CADM2: variants seen among roughly 807,000 people sequenced by gnomAD.
The protein encoded by CADM2 is immunoglobulin superfamily member 4D.
In CADM2, 12 loss-of-function variants were observed where a neutral mutation model predicts 49.8. The ratio of observed to expected loss-of-function variants is 0.24; its 90% CI spans 0.15 to 0.39. The LOEUF is 0.39. Ranked by LOEUF, CADM2 falls within the 10% of genes least tolerant of loss-of-function variation. The pLI is 1.00. For missense variants in CADM2, 378 were observed against 492.3 expected, an observed-to-expected ratio of 0.77 and a Z score of 2.20; for synonymous variants, 214 against 175.4, an observed-to-expected ratio of 1.22 and a Z score of -1.74.
chr3:85,461,313 T>C (rs2038234478), intron 1 of CADM2, among the ~76,000 whole-genome samples: 1 of 152,066 alleles, frequency 6.6e-6, no homozygotes, highest in Non-Finnish European at 1.5e-5. Flanking sequence ...AGTCAGCAAC[T>C]TCAGCTAAAG....
At chr3:85,272,653 G>A (rs2043268240) in intron 1 of CADM2, among the ~76,000 whole-genome samples, 1 of 151,256 alleles carries the variant, frequency 6.6e-6, no homozygotes, top group African/African-American at 2.4e-5. Flanking sequence ...ACTAAAAACA[G>A]TACCAGTTGT....
chr3:85,009,758 C>T (rs991982807), intron 1 of CADM2, among the ~76,000 whole-genome samples: 7 of 151,646 alleles, frequency 4.6e-5, no homozygotes, highest in Non-Finnish European at 8.8e-5. Flanking sequence ...CCCAGTTACT[C>T]GGGAGGCTGA....
chr3:85,514,750 A>C (rs1421268683), intron 1 of CADM2, among the ~76,000 whole-genome samples: 3 of 152,106 alleles, frequency 2.0e-5, no homozygotes, highest in Non-Finnish European at 4.4e-5. Flanking sequence ...ATTTTATTTT[A>C]ACCTCCATTA....
chr3:85,660,186 T>G (rs1040925332), intron 1 of CADM2, among the ~76,000 whole-genome samples: 6 of 152,104 alleles, frequency 3.9e-5, no homozygotes, highest in Non-Finnish European at 5.9e-5. Flanking sequence ...GTAAGAGATT[T>G]CTGTATTTTT....
intron 1 of CADM2, among the ~76,000 whole-genome samples, chr3:85,402,446 T>A (rs1024607795): frequency 6.6e-6 from 1 of 152,042 alleles, no homozygotes; most frequent in African/African-American, 2.4e-5. Context: ...TGTATAAATT[T>A]TTGTCTTAGT....
intron 1 of CADM2, among the ~76,000 whole-genome samples, chr3:85,090,003 C>T (rs919736056): frequency 3.0e-4 from 45 of 152,108 alleles, no homozygotes; most frequent in African/African-American, 1.0e-3. Flanking sequence ...TAGATGTTAA[C>T]ATTTTAACCT....
chr3:85,821,808 A>G (rs1047030576), intron 3 of CADM2, among the ~76,000 whole-genome samples: 1 of 152,196 alleles, frequency 6.6e-6, no homozygotes, highest in African/African-American at 2.4e-5. Flanking sequence ...AAAATGAATT[A>G]CTATAAAACA....
intron 1 of CADM2, among the ~76,000 whole-genome samples, chr3:85,027,532 A>C (rs1477998905): frequency 1.3e-5 from 2 of 152,078 alleles, no homozygotes; most frequent in Non-Finnish European, 1.5e-5. Context: ...TTTAAACTTG[A>C]CTACCACTTT....
chr3:86,054,292 T>C (rs551357598), intron 8 of CADM2, among the ~76,000 whole-genome samples: 2 of 152,220 alleles, frequency 1.3e-5, no homozygotes, highest in Non-Finnish European at 2.9e-5. Context: ...ATAAACATAG[T>C]TAATATAACT....
intron 1 of CADM2, among the ~76,000 whole-genome samples, chr3:85,036,094 T>G (rs987943264): frequency 5.3e-5 from 8 of 152,140 alleles, no homozygotes; most frequent in Non-Finnish European, 1.2e-4. Flanking sequence ...AAAGGACATA[T>G]AAGAATGTTA....
intron 1 of CADM2, among the ~76,000 whole-genome samples, chr3:85,577,300 G>A (rs1222411729): frequency 2.0e-5 from 3 of 152,166 alleles, no homozygotes; most frequent in African/African-American, 4.8e-5. Flanking sequence ...GGGGCCTATA[G>A]GAGGAGATTG....
intron 1 of CADM2, among the ~76,000 whole-genome samples, chr3:85,198,127 A>C (rs1030283878): frequency 2.6e-5 from 4 of 151,850 alleles, no homozygotes; most frequent in African/African-American, 9.7e-5. Flanking sequence ...ACATAGTTAT[A>C]CTAGTACACA....
chr3:84,963,550 G>A (rs2030731770), intron 1 of CADM2, among the ~76,000 whole-genome samples: 1 of 152,072 alleles, frequency 6.6e-6, no homozygotes, highest in Non-Finnish European at 1.5e-5. Flanking sequence ...AGATACTGGG[G>A]CTTTAGGTTT....
chr3:85,686,563 G>C (rs146129771), intron 1 of CADM2, among the ~76,000 whole-genome samples: 352 of 152,236 alleles, frequency 2.3e-3, no homozygotes, highest in African/African-American at 7.5e-3. Context: ...ATAATACTTA[G>C]TTTTATAAAA....
Position 85,372,351 on chromosome 3 carries a change from A to G in CADM2, c.62-354171A>G, listed in dbSNP as rs555309782. On this transcript the variant is annotated intron_variant, in intron 1 of 9. Coordinates refer to ENST00000383699, the MANE Select transcript of CADM2 (RefSeq NM_001167675.2). ...CTAGATGAAATTTATATATATATAT[A>G]TGTGTGTGTGTGTATATATATATGT... is the stretch of plus-strand genomic sequence containing the variant. Among the ~76,000 whole-genome samples the G allele has an allele frequency of 2.5e-3, 380 of 149,516 alleles. 1 individual carries two copies. The highest frequency in any genetic ancestry group is 4.2e-3 in the Non-Finnish European group (282 of 67,632).
intron 1 of CADM2, among the ~76,000 whole-genome samples, chr3:85,094,825 A>G (rs139903372): frequency 1.3e-5 from 2 of 152,290 alleles, no homozygotes; most frequent in African/African-American, 4.8e-5. Flanking sequence ...TAACTAATTT[A>G]TCAAATGCAC....
intron 1 of CADM2, among the ~76,000 whole-genome samples, chr3:85,641,990 GT>G (rs2064732025): frequency 6.6e-6 from 1 of 151,998 alleles, no homozygotes; most frequent in Admixed American, 6.6e-5. Context: ...ACTTACTACA[GT>G]TCTCAGGCTT....
At chr3:84,990,160 ATT>A (rs1454216912) in intron 1 of CADM2, among the ~76,000 whole-genome samples, 1 of 151,680 alleles carries the variant, frequency 6.6e-6, no homozygotes. Flanking sequence ...TAACAGGAAG[ATT>A]TCATGTAAAT....
chr3:85,050,805 C>T (rs1302118897), intron 1 of CADM2, among the ~76,000 whole-genome samples: 7 of 152,304 alleles, frequency 4.6e-5, no homozygotes, highest in African/African-American at 1.7e-4. Context: ...CCACAGTCTT[C>T]CCTCCAATCC....
Sources: allele counts gnomAD v4.1 joint callset (sites outside exome capture counted in the v4.1 genomes callset), GRCh38; gene constraint gnomAD v4.1.1; transcripts MANE v1.5; gene names NCBI Gene and HGNC (gene_info 2026-07-23, HGNC 2026-07-21).